DNAJC8: variants seen among roughly 807,000 people sequenced by gnomAD.
The protein encoded by DNAJC8 is dnaJ homolog subfamily C member 8.
In DNAJC8, 24 loss-of-function variants were observed where a neutral mutation model predicts 43.2. The observed-to-expected ratio is 0.56, with a 90% CI of 0.40 to 0.78. The LOEUF is 0.78. Ranked by LOEUF, DNAJC8 falls within the 30% of genes least tolerant of loss-of-function variation. The probability of loss-of-function intolerance (pLI) is 0.00; values close to 1 mark genes in which losing one functional copy is unlikely to be tolerated. For missense variants in DNAJC8, 207 were observed against 299.4 expected, an observed-to-expected ratio of 0.69 and a Z score of 2.28; for synonymous variants, 83 against 98.0, an observed-to-expected ratio of 0.85 and a Z score of 0.90.
intron 2 of DNAJC8, among the ~76,000 whole-genome samples, chr1:28,216,067 G>A (rs1381269066): frequency 2.0e-5 from 3 of 151,968 alleles, no homozygotes; most frequent in African/African-American, 2.4e-5. Context: ...GGGTCTCCCT[G>A]GCCGGGCGCA....
Position 28,228,906 on chromosome 1 carries a change from A to T in DNAJC8, c.180+16T>A. ...CTCCCCCATTACAGAGGCCCTAGCAACATCAATCGGCTCACCTCAAATGGG... is the reference window on the plus strand; with the variant it reads ...CTCCCCCATTACAGAGGCCCTAGCATCATCAATCGGCTCACCTCAAATGGG... On this transcript the variant is annotated intron_variant, in intron 2 of 8. Transcript: ENST00000263697. 1 of 1,608,154 alleles carries T rather than the reference A, an allele frequency of 6.2e-7. No homozygotes were observed. Among genetic ancestry groups the T allele is most frequent in the East Asian group, 2.2e-5 (1 of 44,838 alleles).
At chr1:28,229,784 A>T (rs553450045) in intron 1 of DNAJC8, among the ~76,000 whole-genome samples, 1 of 152,290 alleles carries the variant, frequency 6.6e-6, no homozygotes. Flanking sequence ...AAAAAAGAAA[A>T]AAAAAAAGTA....
chr1:28,203,945 G>C, intron 7 of DNAJC8, 123 bp from the exon 8 acceptor site: 1 of 942,534 alleles, frequency 1.1e-6, no homozygotes, highest in Non-Finnish European at 1.7e-6. Flanking sequence ...AGTCTACAAA[G>C]ATGGCTGTCT....
chr1:28,222,080 G>A (rs1646902005), intron 2 of DNAJC8, among the ~76,000 whole-genome samples: 1 of 152,128 alleles, frequency 6.6e-6, no homozygotes, highest in South Asian at 2.1e-4. Context: ...GGCTGGGGAG[G>A]GAGGAATGCG....
chr1:28,232,586 CCAA>C (rs1342561954), intron 1 of DNAJC8, among the ~76,000 whole-genome samples: 3 of 152,186 alleles, frequency 2.0e-5, no homozygotes, highest in African/African-American at 7.2e-5. Context: ...GTCTCGGGGG[CCAA>C]GAAGGCTAAG....
At chr1:28,217,969 T>G (rs1463119382) in intron 2 of DNAJC8, among the ~76,000 whole-genome samples, 1 of 151,984 alleles carries the variant, frequency 6.6e-6, no homozygotes, top group Non-Finnish European at 1.5e-5. Flanking sequence ...TGGGGACAGT[T>G]GGGCCCATTT....
At chr1:28,210,168 C>A in intron 4 of DNAJC8, 102 bp from the exon 5 acceptor site, 1 of 941,442 alleles carries the variant, frequency 1.1e-6, no homozygotes, top group Non-Finnish European at 1.7e-6. Context: ...AAAGCATTCC[C>A]TACTTTAATT....
intron 1 of DNAJC8, among the ~76,000 whole-genome samples, chr1:28,231,746 C>G (rs1646976948): frequency 1.3e-5 from 2 of 152,088 alleles, no homozygotes; most frequent in South Asian, 2.1e-4. Flanking sequence ...CAATCCCAGT[C>G]CAGTCAGGTT....
intron 5 of DNAJC8, among the ~76,000 whole-genome samples, 174 bp downstream of exon 5, chr1:28,209,798 G>C (rs553828349): frequency 6.6e-6 from 1 of 152,290 alleles, no homozygotes; most frequent in African/African-American, 2.4e-5. Flanking sequence ...TCTTAGGGGT[G>C]AATTACAGCT....
rs1557708051 is a variant in DNAJC8, at chr1:28,212,216, A to AT, written c.238-1580_238-1579insA. On this transcript the variant is annotated intron_variant, in intron 3 of 8. Coordinates refer to ENST00000263697, the MANE Select transcript of DNAJC8 (RefSeq NM_014280.3). ...ATATATATATATATATATATATATA[A>AT]ATGAAATTAACTATTCAATATAGAT... 9.6e-4 allele frequency among the ~76,000 whole-genome samples: 69 copies of AT among 71,656 alleles called. 1 individual carries two copies. Among genetic ancestry groups the AT allele is most frequent in the African/African-American group, 3.0e-3 (62 of 20,780 alleles). 47.0% of individuals were successfully genotyped at this position (71,656 alleles called of 152,430 possible).
intron 1 of DNAJC8, among the ~76,000 whole-genome samples, chr1:28,229,454 C>G (rs1380337725): frequency 6.7e-6 from 1 of 149,444 alleles, no homozygotes; most frequent in South Asian, 2.1e-4. Flanking sequence ...TGTGATTATA[C>G]TTCATTTATA....
chr1:28,202,672 C>T (rs926581878), intron 8 of DNAJC8, among the ~76,000 whole-genome samples: 2 of 149,760 alleles, frequency 1.3e-5, no homozygotes, highest in Non-Finnish European at 3.0e-5. Flanking sequence ...GCTCCACCTC[C>T]TGGGTTCACA....
chr1:28,200,963 C>T lies in DNAJC8; in HGVS notation c.*285G>A. The T allele has an allele frequency of 2.3e-6, 1 of 441,248 alleles. No homozygotes were observed. The highest frequency in any genetic ancestry group is 4.2e-6 in the Non-Finnish European group (1 of 238,766). The allele number at this position is 441,248 out of a possible 1,614,324, so 27.3% of individuals were successfully genotyped here. ...CATCACAATTCAGTGAAGTACAAAACACTGAGTTACAGGCTGTGGGAAGAG... is the reference window on the plus strand; with the variant it reads ...CATCACAATTCAGTGAAGTACAAAATACTGAGTTACAGGCTGTGGGAAGAG... On this transcript the variant is annotated 3_prime_UTR_variant, in exon 9 of 9. Transcript: ENST00000263697.
intron 6 of DNAJC8, among the ~76,000 whole-genome samples, chr1:28,206,604 C>T (rs1646770316): frequency 6.6e-6 from 1 of 152,178 alleles, no homozygotes; most frequent in African/African-American, 2.4e-5. Flanking sequence ...TTAATGAAAT[C>T]ACAATGCCCT....
At chr1:28,207,490 C>T (rs1487337332) in intron 6 of DNAJC8, among the ~76,000 whole-genome samples, 1 of 151,558 alleles carries the variant, frequency 6.6e-6, no homozygotes, top group African/African-American at 2.4e-5. Context: ...TGTCACCAGG[C>T]GGAGGTGCAG....
intron 2 of DNAJC8, among the ~76,000 whole-genome samples, chr1:28,223,365 A>G (rs1348448657): frequency 2.0e-5 from 3 of 152,128 alleles, no homozygotes; most frequent in African/African-American, 7.2e-5. Context: ...CCCAGCAGGA[A>G]GAGAGCAGGC....
Position 28,228,902 on chromosome 1 carries a change from A to G in DNAJC8, c.180+20T>C. The G allele has an allele frequency of 6.2e-7, 1 of 1,605,158 alleles. No individual in the cohort carries two copies. The highest frequency in any genetic ancestry group is 8.5e-7 in the Non-Finnish European group (1 of 1,173,990). On this transcript the variant is annotated intron_variant, in intron 2 of 8. Coordinates refer to ENST00000263697, the MANE Select transcript of DNAJC8 (RefSeq NM_014280.3). ...AAATCTCCCCCATTACAGAGGCCCT[A>G]GCAACATCAATCGGCTCACCTCAAA...
At chr1:28,221,668 C>T (rs941879062) in intron 2 of DNAJC8, among the ~76,000 whole-genome samples, 4 of 152,084 alleles carry the variant, frequency 2.6e-5, no homozygotes, top group South Asian at 2.1e-4. Context: ...GTACTATGCT[C>T]GATTTTAAAG....
At chr1:28,210,412 A>C in intron 4 of DNAJC8, 159 bp downstream of exon 4, 2 of 640,350 alleles carry the variant, frequency 3.1e-6, no homozygotes, top group Middle Eastern at 4.3e-4. Flanking sequence ...CTTAAACAAC[A>C]ACATTCTGCT....
Sources: gnomAD v4.1 joint callset for allele counts (sites outside exome capture counted in the v4.1 genomes callset) on GRCh38, gnomAD v4.1.1 for gene constraint, MANE v1.5 for transcripts, NCBI Gene and HGNC (gene_info 2026-07-23, HGNC 2026-07-21) for gene names.